The following WNT3A variants were observed in gnomAD, a reference collection of about 807,000 sequenced individuals.
WNT3A encodes protein Wnt-3a.
In WNT3A, 17 loss-of-function variants were observed where a neutral mutation model predicts 37.0. The ratio of observed to expected loss-of-function variants is 0.46; its 90% confidence interval spans 0.31 to 0.69. WNT3A has a LOEUF of 0.69. Ranked by LOEUF, WNT3A falls within the 30% of genes least tolerant of loss-of-function variation. The pLI is 0.05. For synonymous variants in WNT3A, 187 were observed against 211.0 expected (o/e 0.89, Z 0.99); for missense variants, 411 against 510.2 (o/e 0.81, Z 1.87).
intron 2 of WNT3A, among the ~76,000 whole-genome samples, chr1:228,026,524 G>A (rs916545639): frequency 3.3e-5 from 5 of 152,024 alleles, no homozygotes. Context: ...TGGACAAATT[G>A]TTAGTGGTGA....
At chr1:228,045,546 C>T (rs1380185411) in intron 2 of WNT3A, among the ~76,000 whole-genome samples, 2 of 152,158 alleles carry the variant, frequency 1.3e-5, no homozygotes, top group Non-Finnish European at 2.9e-5. Flanking sequence ...CAAGAACAGG[C>T]GCTCAGGCCT....
intron 2 of WNT3A, among the ~76,000 whole-genome samples, chr1:228,027,811 C>T (rs1017065645): frequency 2.6e-5 from 4 of 151,974 alleles, no homozygotes; most frequent in Non-Finnish European, 5.9e-5. Context: ...GTTTTTGTTG[C>T]ATTTGTTTTG....
At chr1:228,041,433 A>G (rs1035120077) in intron 2 of WNT3A, among the ~76,000 whole-genome samples, 1 of 151,764 alleles carries the variant, frequency 6.6e-6, no homozygotes, top group African/African-American at 2.4e-5. Context: ...CAATTCATCC[A>G]TCCATCCATC....
In WNT3A at chr1:228,006,998, G is replaced by A. The variant is rs2030211323; in HGVS notation, c.-131G>A. On this transcript the variant is annotated 5_prime_UTR_variant, in exon 1 of 4. Coordinates refer to ENST00000284523, the MANE Select transcript of WNT3A (RefSeq NM_033131.4). The surrounding 1 kb of genome is among the most constrained non-coding windows in gnomAD (Gnocchi z 4.5). ...TGGCGCAGCGCCGCCCTCGGAGCCC[G>A]CGCACACCCGCGCACCCGCGGCCGC... 1 of 335,854 alleles carries A rather than the reference G, an allele frequency of 3.0e-6. No individual in the cohort carries two copies. Among genetic ancestry groups the A allele is most frequent in the Non-Finnish European group, 4.3e-6 (1 of 233,064 alleles). The allele number at this position is 335,854 out of a possible 1,614,324, so 20.8% of individuals were successfully genotyped here. A position where few individuals can be genotyped will look rare whatever the true frequency, so the allele number is the denominator to read the frequency against.
At chr1:228,047,858 C>T (rs1558293693) in intron 2 of WNT3A, among the ~76,000 whole-genome samples, 1 of 152,224 alleles carries the variant, frequency 6.6e-6, no homozygotes, top group South Asian at 2.1e-4. Context: ...AGAACTCACT[C>T]ATAATCTCGA....
Position 228,059,928 on chromosome 1 carries a change from GCT to G in WNT3A, c.*466_*467del, listed in dbSNP as rs1288804466. ...AGGCGGGGCTCTAGGATGGGGCACGGCTCTGGGGTAGGCTGCTCCCTGAGGGC... is the reference window on the plus strand; with the variant it reads ...AGGCGGGGCTCTAGGATGGGGCACGGCTGGGGTAGGCTGCTCCCTGAGGGC... On this transcript the variant is annotated 3_prime_UTR_variant, in exon 4 of 4. Transcript: ENST00000284523. The G allele has an allele frequency of 9.2e-7, 1 of 1,086,050 alleles. No homozygotes were observed. The highest frequency in any genetic ancestry group is 1.1e-6 in the Non-Finnish European group (1 of 888,204). 67.3% of individuals were successfully genotyped at this position (1,086,050 alleles called of 1,614,324 possible). A position where few individuals can be genotyped will look rare whatever the true frequency, so the allele number is the denominator to read the frequency against.
At chr1:228,033,213 C>T (rs553764486) in intron 2 of WNT3A, among the ~76,000 whole-genome samples, 1 of 152,240 alleles carries the variant, frequency 6.6e-6, no homozygotes, top group South Asian at 2.1e-4. Flanking sequence ...TTATTTGGTT[C>T]CTTGGCTTTT....
intron 2 of WNT3A, among the ~76,000 whole-genome samples, chr1:228,040,697 C>A (rs2031257453): frequency 6.6e-6 from 1 of 151,880 alleles, no homozygotes; most frequent in South Asian, 2.1e-4. Flanking sequence ...TCCTGGCTAA[C>A]ACGGTGAAAC....
Position 228,007,030 on chromosome 1 carries a change from G to A in WNT3A, c.-99G>A. 2.6e-6 allele frequency: 2 copies of A among 778,364 alleles called. No homozygotes were observed. Among genetic ancestry groups the A allele is most frequent in the East Asian group, 5.1e-5 (1 of 19,548 alleles). 48.2% of individuals were successfully genotyped at this position (778,364 alleles called of 1,614,324 possible). On this transcript the variant is annotated 5_prime_UTR_variant, in exon 1 of 4. Coordinates refer to ENST00000284523, the MANE Select transcript of WNT3A (RefSeq NM_033131.4). This position sits in a 1 kb window ranked among gnomAD's most constrained non-coding sequence, Gnocchi z 6.0. ...CCCGCGCACCCGCGGCCGCAGGAGGGCCCAGCGACGCCGCCGCGCCAGCTC... is the reference window on the plus strand; with the variant it reads ...CCCGCGCACCCGCGGCCGCAGGAGGACCCAGCGACGCCGCCGCGCCAGCTC...
intron 1 of WNT3A, among the ~76,000 whole-genome samples, chr1:228,015,706 TC>T (rs1299005991): frequency 8.4e-5 from 4 of 47,850 alleles, no homozygotes; most frequent in South Asian, 7.8e-4. Flanking sequence ...CACCCCCGCC[TC>T]CCCCCCACCC....
At chr1:228,034,815 T>TC (rs970009708) in intron 2 of WNT3A, among the ~76,000 whole-genome samples, 1 of 152,182 alleles carries the variant, frequency 6.6e-6, no homozygotes, top group African/African-American at 2.4e-5. Flanking sequence ...TGCCTGATTT[T>TC]CACAAGTCCC....
At chr1:228,010,941 A>C (rs868115440) in intron 1 of WNT3A, among the ~76,000 whole-genome samples, 2 of 152,200 alleles carry the variant, frequency 1.3e-5, no homozygotes, top group Non-Finnish European at 2.9e-5. Context: ...CCTCCTGGGC[A>C]CAAGAGCTCA....
chr1:228,012,081 CT>C (rs2030388004), intron 1 of WNT3A, among the ~76,000 whole-genome samples: 1 of 152,238 alleles, frequency 6.6e-6, no homozygotes, highest in African/African-American at 2.4e-5. Context: ...CTCCTAGAAT[CT>C]TTTGTAGCAG....
chr1:228,010,259 C>G (rs2030331186), intron 1 of WNT3A, among the ~76,000 whole-genome samples: 1 of 152,210 alleles, frequency 6.6e-6, no homozygotes, highest in African/African-American at 2.4e-5. Context: ...CCCTTCTTCC[C>G]ATGTCTGGGT....
chr1:228,015,923 C>G (rs1219221811), intron 1 of WNT3A, among the ~76,000 whole-genome samples: 1 of 152,082 alleles, frequency 6.6e-6, no homozygotes, highest in Non-Finnish European at 1.5e-5. Flanking sequence ...CTTAGGGCAC[C>G]AGGCAGGACA....
chr1:228,032,746 T>C (rs948644833), intron 2 of WNT3A, among the ~76,000 whole-genome samples: 2 of 152,228 alleles, frequency 1.3e-5, no homozygotes, highest in African/African-American at 4.8e-5. Flanking sequence ...TGAGGAACTG[T>C]CAAACTATTC....
chr1:228,057,483 A>G (rs981879527), intron 3 of WNT3A, among the ~76,000 whole-genome samples: 1 of 152,236 alleles, frequency 6.6e-6, no homozygotes, highest in Admixed American at 6.5e-5. Flanking sequence ...GTAAGCACCT[A>G]TATAACTTTG....
chr1:228,010,672 C>T (rs1386623863), intron 1 of WNT3A, among the ~76,000 whole-genome samples: 2 of 152,264 alleles, frequency 1.3e-5, no homozygotes, highest in African/African-American at 4.8e-5. Context: ...GGCCTGGCTG[C>T]TTGCAGATGG....
chr1:228,034,936 G>A (rs531657451), intron 2 of WNT3A, among the ~76,000 whole-genome samples: 1 of 152,238 alleles, frequency 6.6e-6, no homozygotes, highest in African/African-American at 2.4e-5. Flanking sequence ...ACCCTTGGGG[G>A]TCTCCCATGG....
Sources: gnomAD v4.1 joint callset for allele counts (sites outside exome capture counted in the v4.1 genomes callset) on GRCh38, gnomAD v4.1.1 for gene constraint, Gnocchi (gnomAD v3.1) non-coding constraint, MANE v1.5 for transcripts, NCBI Gene and HGNC (gene_info 2026-07-23, HGNC 2026-07-21) for gene names.